ZNF385B: variants seen among roughly 807,000 people sequenced by gnomAD.
ZNF385B encodes zinc finger protein 385B, also known as zinc finger protein 533.
In ZNF385B, 23 loss-of-function variants were observed where a neutral mutation model predicts 39.2. The ratio of observed to expected loss-of-function variants is 0.59; its 90% CI spans 0.42 to 0.83. The LOEUF (loss-of-function observed/expected upper bound fraction) is 0.83, where lower values mean the gene tolerates loss of function less well. ZNF385B is among the 40% of genes least tolerant of loss of function. ZNF385B has a pLI of 0.00. For missense variants in ZNF385B, 552 were observed against 598.9 expected, an observed-to-expected ratio of 0.92 and a Z score of 0.82; for synonymous variants, 205 against 222.6, an observed-to-expected ratio of 0.92 and a Z score of 0.70.
intron 4 of ZNF385B, 132 bp from the exon 5 acceptor site, chr2:179,518,770 C>T (rs976203879): frequency 1.6e-5 from 8 of 512,978 alleles, no homozygotes; most frequent in African/African-American, 1.4e-4. Flanking sequence ...TAAAGAGTCT[C>T]CTTCAACAGT....
At chr2:179,611,241 C>T in intron 3 of ZNF385B, among the ~76,000 whole-genome samples, 1 of 152,096 alleles carries the variant, frequency 6.6e-6, no homozygotes, top group Non-Finnish European at 1.5e-5. Flanking sequence ...TTGAAGGTTT[C>T]TATCACGAAG....
In ZNF385B at chr2:179,470,866, G is replaced by GAAACAAACAAACAAACAAAC. The variant is rs56072176; in HGVS notation, c.715+12386_715+12405dup. ...GTTACAAACTTTGCTGTATGTCCCT[G>GAAACAAACAAACAAACAAAC]AAACAAACAAACAAACAAACAAACT... On this transcript the variant is annotated intron_variant, in intron 6 of 9. Transcript: ENST00000410066. Among the ~76,000 whole-genome samples, 868 of 151,234 alleles carry GAAACAAACAAACAAACAAAC rather than the reference G, an allele frequency of 5.7e-3. 4 individuals carry two copies. Among genetic ancestry groups the GAAACAAACAAACAAACAAAC allele is most frequent in the African/African-American group, 0.015 (628 of 41,180 alleles).
At chr2:179,617,282 C>T (rs764564040) in intron 3 of ZNF385B, among the ~76,000 whole-genome samples, 2 of 152,144 alleles carry the variant, frequency 1.3e-5, no homozygotes, top group Non-Finnish European at 2.9e-5. Context: ...ACTGATGCTG[C>T]ACCTGATGCA....
At chr2:179,617,670 G>A (rs978123211) in intron 3 of ZNF385B, among the ~76,000 whole-genome samples, 2 of 152,088 alleles carry the variant, frequency 1.3e-5, no homozygotes, top group Non-Finnish European at 2.9e-5. Flanking sequence ...TCCTCATGTG[G>A]TACTGATGCT....
chr2:179,538,470 A>C (rs915658955), intron 4 of ZNF385B, among the ~76,000 whole-genome samples: 2 of 151,854 alleles, frequency 1.3e-5, no homozygotes, highest in African/African-American at 4.8e-5. Flanking sequence ...CTTTATTTAG[A>C]AACTCTCTGA....
intron 1 of ZNF385B, among the ~76,000 whole-genome samples, chr2:179,792,590 G>T (rs900081743): frequency 1.4e-5 from 2 of 143,374 alleles, no homozygotes; most frequent in Non-Finnish European, 3.1e-5. Flanking sequence ...GGCCAGGCTG[G>T]TCTCAAACTC....
At chr2:179,493,694 T>TGTATAC (rs2055672312) in intron 5 of ZNF385B, among the ~76,000 whole-genome samples, 2 of 104,558 alleles carry the variant, frequency 1.9e-5, no homozygotes, top group Admixed American at 1.8e-4. Context: ...TACACATATA[T>TGTATAC]ACATATATGT....
intron 3 of ZNF385B, among the ~76,000 whole-genome samples, chr2:179,712,720 C>T (rs562745976): frequency 2.6e-5 from 4 of 152,188 alleles, no homozygotes; most frequent in African/African-American, 9.6e-5. Context: ...TTAACAAGAC[C>T]CCCAGATGCT....
At chr2:179,547,496 T>C (rs555743164) in intron 3 of ZNF385B, among the ~76,000 whole-genome samples, 15 of 149,564 alleles carry the variant, frequency 1.0e-4, no homozygotes, top group Non-Finnish European at 2.1e-4. Flanking sequence ...TGTATATTTT[T>C]GACACCTTTG....
intron 1 of ZNF385B, among the ~76,000 whole-genome samples, chr2:179,812,315 C>A (rs1706786595): frequency 1.3e-5 from 2 of 152,150 alleles, no homozygotes; most frequent in South Asian, 2.1e-4. Context: ...AAAATTAATT[C>A]TTCTACCAAA....
intron 1 of ZNF385B, among the ~76,000 whole-genome samples, chr2:179,818,391 C>T (rs1302478000): frequency 2.0e-5 from 3 of 152,180 alleles, no homozygotes; most frequent in Non-Finnish European, 4.4e-5. Flanking sequence ...TAGCAGAATG[C>T]TATTTTTCTT....
intron 3 of ZNF385B, among the ~76,000 whole-genome samples, chr2:179,720,541 A>G (rs1700623432): frequency 8.6e-6 from 1 of 116,842 alleles, no homozygotes; most frequent in African/African-American, 3.2e-5. Flanking sequence ...ATGGGAGGGG[A>G]GGCAAGGGGA....
chr2:179,634,280 G>A (rs1343780528), intron 3 of ZNF385B, among the ~76,000 whole-genome samples: 1 of 152,056 alleles, frequency 6.6e-6, no homozygotes, highest in Non-Finnish European at 1.5e-5. Flanking sequence ...TACAGAATGG[G>A]AGAAAATTTT....
intron 3 of ZNF385B, among the ~76,000 whole-genome samples, chr2:179,699,028 A>G (rs1406882922): frequency 6.6e-6 from 1 of 152,114 alleles, no homozygotes; most frequent in Non-Finnish European, 1.5e-5. Flanking sequence ...TATTGGATTT[A>G]AAGTCATTTC....
chr2:179,819,102 G>T (rs1707249190), intron 1 of ZNF385B, among the ~76,000 whole-genome samples: 1 of 150,392 alleles, frequency 6.6e-6, no homozygotes, highest in African/African-American at 2.5e-5. Context: ...AGAACTTAAT[G>T]TCACCTTGCT....
chr2:179,631,091 AT>A (rs1324348567), intron 3 of ZNF385B, among the ~76,000 whole-genome samples: 1 of 152,252 alleles, frequency 6.6e-6, no homozygotes, highest in African/African-American at 2.4e-5. Context: ...GTTGGAAAAC[AT>A]TCTTCAGGAT....
At chr2:179,539,704 A>G (rs2059797968) in intron 4 of ZNF385B, among the ~76,000 whole-genome samples, 1 of 152,200 alleles carries the variant, frequency 6.6e-6, no homozygotes, top group Admixed American at 6.5e-5. Context: ...TTAAAGAATG[A>G]CCATGGATAA....
At chr2:179,634,820 T>C (rs928386542) in intron 3 of ZNF385B, among the ~76,000 whole-genome samples, 3 of 152,100 alleles carry the variant, frequency 2.0e-5, no homozygotes, top group Non-Finnish European at 2.9e-5. Context: ...CCCTCAATGA[T>C]AGACTGGATT....
At chr2:179,719,314 C>T (rs1462864051) in intron 3 of ZNF385B, among the ~76,000 whole-genome samples, 6 of 152,170 alleles carry the variant, frequency 3.9e-5, no homozygotes, top group Non-Finnish European at 8.8e-5. Context: ...CTATGAACCC[C>T]TTGCCACCTT....
Sources: gnomAD v4.1 joint callset for allele counts (sites outside exome capture counted in the v4.1 genomes callset) on GRCh38, gnomAD v4.1.1 for gene constraint, MANE v1.5 for transcripts, NCBI Gene and HGNC (gene_info 2026-07-23, HGNC 2026-07-21) for gene names.